The following TLE1 variants were observed in gnomAD, a reference collection of about 807,000 sequenced individuals.
TLE1 encodes the protein transducin-like enhancer protein 1.
TLE1 carries 21 observed loss-of-function variants against 89.8 expected under a neutral mutation model. That is an observed-to-expected ratio of 0.23 (90% confidence interval 0.17 to 0.34). The LOEUF is 0.34. Ranked by LOEUF, TLE1 falls within the 10% of genes least tolerant of loss-of-function variation. The pLI, the probability that TLE1 is intolerant of heterozygous loss-of-function variation, is 1.00. For missense variants in TLE1, 795 were observed against 1,031.2 expected (o/e 0.77, Z 3.14); for synonymous variants, 447 against 407.6 (o/e 1.10, Z -1.16).
At chr9:81,606,319 C>T (rs969366552) in intron 14 of TLE1, among the ~76,000 whole-genome samples, 2 of 152,194 alleles carry the variant, frequency 1.3e-5, no homozygotes, top group Non-Finnish European at 2.9e-5. Flanking sequence ...GACACATGCA[C>T]ACATATGTTT....
chr9:81,684,850 C>G (rs144200739), intron 4 of TLE1, among the ~76,000 whole-genome samples: 99 of 152,340 alleles, frequency 6.5e-4, no homozygotes, highest in African/African-American at 2.3e-3. Context: ...TTAATGCTTT[C>G]TTTGGCAGAC....
chr9:81,677,968 A>C (rs2133067300), intron 4 of TLE1, among the ~76,000 whole-genome samples: 1 of 152,320 alleles, frequency 6.6e-6, no homozygotes, highest in East Asian at 1.9e-4. Context: ...TAGAATTTTC[A>C]GAATTTGTTT....
intron 14 of TLE1, among the ~76,000 whole-genome samples, chr9:81,607,374 A>C (rs1158920599): frequency 6.6e-6 from 1 of 152,038 alleles, no homozygotes; most frequent in Non-Finnish European, 1.5e-5. Context: ...AATAGGGTCC[A>C]ATTTAACTGT....
At chr9:81,651,540 G>A (rs983565190) in intron 6 of TLE1, among the ~76,000 whole-genome samples, 2 of 152,100 alleles carry the variant, frequency 1.3e-5, no homozygotes, top group African/African-American at 2.4e-5. Context: ...GCAAGAGAGC[G>A]CTCTTTTCAT....
chr9:81,682,336 T>C (rs1204051573), intron 4 of TLE1, among the ~76,000 whole-genome samples: 2 of 151,468 alleles, frequency 1.3e-5, no homozygotes, highest in South Asian at 2.1e-4. Context: ...TGCGTGGCCT[T>C]GAGCAAGTCC....
chr9:81,638,119 G>C (rs1051434679), intron 6 of TLE1, among the ~76,000 whole-genome samples: 23 of 152,188 alleles, frequency 1.5e-4, no homozygotes, highest in Non-Finnish European at 2.9e-4. Flanking sequence ...TACATACACA[G>C]AGACAAATCC....
intron 6 of TLE1, among the ~76,000 whole-genome samples, chr9:81,645,572 C>T (rs555639648): frequency 6.6e-6 from 1 of 151,834 alleles, no homozygotes; most frequent in South Asian, 2.1e-4. Context: ...GAAACCTCGT[C>T]TCTACTAAAA....
At chr9:81,681,209 T>C (rs1169158739) in intron 4 of TLE1, among the ~76,000 whole-genome samples, 2 of 152,162 alleles carry the variant, frequency 1.3e-5, no homozygotes, top group South Asian at 4.1e-4. Flanking sequence ...GAATATATCA[T>C]CCTTCCTTTC....
intron 16 of TLE1, among the ~76,000 whole-genome samples, chr9:81,589,559 G>A (rs1376078455): frequency 6.6e-6 from 1 of 152,130 alleles, no homozygotes; most frequent in East Asian, 1.9e-4. Context: ...GTACAGACGA[G>A]AGCAGAATGC....
chr9:81,610,389 A>AGCACTTTGGGAGGCCG, intron 13 of TLE1, 93 bp from the exon 14 acceptor site: 1 of 906,612 alleles, frequency 1.1e-6, no homozygotes, highest in Non-Finnish European at 1.7e-6. Flanking sequence ...ACAGATCCCC[A>AGCACTTTGGGAGGCCG]AAGCAACATA....
chr9:81,620,302 T>C, intron 9 of TLE1, 139 bp downstream of exon 9: 1 of 716,736 alleles, frequency 1.4e-6, no homozygotes, highest in Non-Finnish European at 2.3e-6. Context: ...GGAAATACTA[T>C]CCTACAATGT....
intron 4 of TLE1, among the ~76,000 whole-genome samples, chr9:81,665,430 T>C (rs1453310799): frequency 1.3e-5 from 2 of 152,018 alleles, no homozygotes; most frequent in East Asian, 3.9e-4. Flanking sequence ...ATCTGAGCTC[T>C]CTCCAACTGG....
chr9:81,681,236 T>C (rs1416069906), intron 4 of TLE1, among the ~76,000 whole-genome samples: 2 of 152,140 alleles, frequency 1.3e-5, no homozygotes, highest in African/African-American at 4.8e-5. Flanking sequence ...TCAGAGCTAG[T>C]CTTTTCATTT....
chr9:81,668,593 C>T (rs919643568), intron 4 of TLE1, among the ~76,000 whole-genome samples: 5 of 152,110 alleles, frequency 3.3e-5, no homozygotes, highest in African/African-American at 7.2e-5. Flanking sequence ...ATCACCATTC[C>T]TCCAAGATAA....
In TLE1 at chr9:81,634,198, C is replaced by T. The variant is rs771573048; in HGVS notation, c.476G>A (p.Gly159Glu). Residue 159 changes from glycine (G) to glutamate (E), a missense_variant, in exon 7 of 20, where the codon GGG becomes GAG. This residue lies in a region of TLE1 where 468 missense variants were observed against 509.1 expected (regional missense o/e 0.92). Coordinates refer to ENST00000376499, the MANE Select transcript of TLE1 (RefSeq NM_005077.5). ...CAGCGCAAGAAGGCCGGCACTGCCC[C>T]CGAGGGGCGGGATTCCAGGAGGCTG... is the stretch of plus-strand genomic sequence containing the variant. ...GLQPPGIPPLGGSAGLLALSS... is the reference protein window; with the variant it reads ...GLQPPGIPPLEGSAGLLALSS... 9 of 1,591,526 alleles carry T rather than the reference C, an allele frequency of 5.7e-6. No homozygotes were observed. Among genetic ancestry groups the T allele is most frequent in the African/African-American group, 4.0e-5 (3 of 74,660 alleles).
At chr9:81,587,552 T>C in intron 17 of TLE1, 129 bp downstream of exon 17, 2 of 1,252,680 alleles carry the variant, frequency 1.6e-6, no homozygotes, top group Non-Finnish European at 2.1e-6. Flanking sequence ...AAATTAGTTA[T>C]CTCAAATTCA....
At chr9:81,599,769 A>T (rs1157560517) in intron 14 of TLE1, 2 of 258,276 alleles carry the variant, frequency 7.7e-6, no homozygotes, top group African/African-American at 4.4e-5. Flanking sequence ...TATAATTCCC[A>T]CCTTATTTGG....
intron 6 of TLE1, among the ~76,000 whole-genome samples, chr9:81,651,103 C>T (rs1487329970): frequency 6.6e-6 from 1 of 152,164 alleles, no homozygotes; most frequent in African/African-American, 2.4e-5. Context: ...GACTATGGCA[C>T]TCTTAATCCG....
chr9:81,593,064 G>A lies in TLE1; in HGVS notation c.1542C>T (p.His514=). 6.2e-7 allele frequency: 1 copy of A among 1,613,918 alleles called. No homozygotes were observed. Among genetic ancestry groups the A allele is most frequent in the Non-Finnish European group, 8.5e-7 (1 of 1,179,848 alleles). Residue 514 remains histidine (H), a synonymous_variant, in exon 15 of 20, where the codon CAC becomes CAT. Coordinates refer to ENST00000376499, the MANE Select transcript of TLE1 (RefSeq NM_005077.5). ...GGGAGACAGGGCTCTTATTGCCAGG[G>A]TGGCTGATGTCCCAGACCTTGACGC... ...KGCVKVWDIS[H]PGNKSPVSQL...
Sources: gnomAD v4.1 joint callset for allele counts (sites outside exome capture counted in the v4.1 genomes callset) on GRCh38, gnomAD v4.1.1 for gene constraint, gnomAD v4.1.1 regional missense constraint, MANE v1.5 for transcripts, NCBI Gene and HGNC (gene_info 2026-07-23, HGNC 2026-07-21) for gene names.